MAP3K13: variants seen among roughly 807,000 people sequenced by gnomAD.
MAP3K13 encodes the protein leucine zipper-bearing kinase.
Under a neutral mutation model 104.0 loss-of-function variants are expected in MAP3K13, and 52 were observed. The observed-to-expected ratio is 0.50, with a 90% CI of 0.40 to 0.63. The LOEUF is 0.63. Among genes scored for constraint, MAP3K13 ranks in the 20% least tolerant of loss-of-function variants. MAP3K13 has a pLI of 0.00. For synonymous variants in MAP3K13, 394 were observed against 442.2 expected (o/e 0.89, Z 1.37); for missense variants, 914 against 1,218.5 (o/e 0.75, Z 3.72).
At chr3:185,294,952 G>A (rs1720865745) in intron 2 of MAP3K13, among the ~76,000 whole-genome samples, 1 of 151,978 alleles carries the variant, frequency 6.6e-6, no homozygotes, top group South Asian at 2.1e-4. Context: ...CTACATTTTT[G>A]CAATAACTCT....
At chr3:185,480,603 T>C in intron 13 of MAP3K13, 74 bp downstream of exon 13, 3 of 1,458,936 alleles carry the variant, frequency 2.1e-6, no homozygotes, top group Non-Finnish European at 2.8e-6. Context: ...CTAGGGCCTT[T>C]ACAATTTTCA....
At chr3:185,382,935 T>C (rs1333301067) in intron 1 of MAP3K13, among the ~76,000 whole-genome samples, 1 of 152,032 alleles carries the variant, frequency 6.6e-6, no homozygotes, top group Non-Finnish European at 1.5e-5. Context: ...TGTGTATACA[T>C]GTGCCATGCT....
rs1718689476 is a variant in MAP3K13, at chr3:185,485,804, C to T, written c.*3348C>T. ...CACTGGGGGTCTTGGAATGTATCCCCCAGAAATAAGGGAGGACTACCGTAT... is the reference window on the plus strand; with the variant it reads ...CACTGGGGGTCTTGGAATGTATCCCTCAGAAATAAGGGAGGACTACCGTAT... On this transcript the variant is annotated 3_prime_UTR_variant, in exon 14 of 14. Transcript: ENST00000265026. 1.3e-5 allele frequency: 2 copies of T among 151,950 alleles called. No individual in the cohort carries two copies. The highest frequency in any genetic ancestry group is 4.2e-4 in the South Asian group (2 of 4,802). The allele number at this position is 151,950 out of a possible 1,614,324, so 9.4% of individuals were successfully genotyped here. A position where few individuals can be genotyped will look rare whatever the true frequency, so the allele number is the denominator to read the frequency against.
intron 4 of MAP3K13, among the ~76,000 whole-genome samples, chr3:185,447,494 C>CAAAAAAAAAAA (rs1178155454): frequency 3.5e-5 from 1 of 28,396 alleles, no homozygotes; most frequent in Non-Finnish European, 6.5e-5. Context: ...AACTCTGTCT[C>CAAAAAAAAAAA]AAAAAAAAAA....
At chr3:185,398,328 C>T (rs1712547531) in intron 1 of MAP3K13, among the ~76,000 whole-genome samples, 1 of 152,106 alleles carries the variant, frequency 6.6e-6, no homozygotes, top group Non-Finnish European at 1.5e-5. Context: ...GAAAGAAAGA[C>T]AGTCCTCCAC....
chr3:185,451,722 C>A (rs965834482), intron 7 of MAP3K13, among the ~76,000 whole-genome samples: 5 of 151,848 alleles, frequency 3.3e-5, no homozygotes, highest in Admixed American at 2.0e-4. Flanking sequence ...ACAAAATTAG[C>A]CAGGTATGGT....
At chr3:185,324,569 C>T (rs1202639595) in intron 2 of MAP3K13, among the ~76,000 whole-genome samples, 1 of 152,148 alleles carries the variant, frequency 6.6e-6, no homozygotes, top group East Asian at 1.9e-4. Flanking sequence ...CTATGACCAG[C>T]CTGGTTTCTT....
chr3:185,405,488 C>T (rs1035382289), intron 1 of MAP3K13, among the ~76,000 whole-genome samples: 36 of 152,352 alleles, frequency 2.4e-4, no homozygotes, highest in African/African-American at 8.4e-4. Flanking sequence ...TGTTCCAGCT[C>T]TTCCAGACTG....
At chr3:185,288,476 G>T (rs1434895602) in intron 2 of MAP3K13, among the ~76,000 whole-genome samples, 1 of 148,174 alleles carries the variant, frequency 6.7e-6, no homozygotes, top group Admixed American at 6.8e-5. Flanking sequence ...ATATATTCCA[G>T]AAATATATGT....
intron 7 of MAP3K13, among the ~76,000 whole-genome samples, chr3:185,455,851 T>TGATATATATATGAGATATAG (rs1716686775): frequency 1.1e-5 from 1 of 93,434 alleles, no homozygotes; most frequent in African/African-American, 3.7e-5. Context: ...ATGAGATATA[T>TGATATATATATGAGATATAG]ATGAGATATA....
At chr3:185,397,269 G>T (rs1205728507) in intron 1 of MAP3K13, among the ~76,000 whole-genome samples, 1 of 152,164 alleles carries the variant, frequency 6.6e-6, no homozygotes, top group Non-Finnish European at 1.5e-5. Context: ...TTCACAGAAT[G>T]TTTTTTCTAA....
rs947260109 is a variant in MAP3K13, at chr3:185,292,782, A to G, written c.-86+7139A>G. On this transcript the variant is annotated intron_variant, in intron 2 of 14. Coordinates refer to the MAP3K13 transcript ENST00000424227. Reference sequence around the variant, plus strand: ...CTCTGAGTTGAGTCCCTAAAATACTATCATGGGCTAATTCTAAGAAGGAGC... The same window carrying G: ...CTCTGAGTTGAGTCCCTAAAATACTGTCATGGGCTAATTCTAAGAAGGAGC... The G allele has an allele frequency of 4.1e-6, 4 of 985,292 alleles. No individual in the cohort carries two copies. The Admixed American group carries it at 2.5e-4, about 61-fold the overall frequency. 61.0% of individuals were successfully genotyped at this position (985,292 alleles called of 1,614,324 possible).
At chr3:185,303,581 T>C (rs950572687) in intron 2 of MAP3K13, among the ~76,000 whole-genome samples, 2 of 152,106 alleles carry the variant, frequency 1.3e-5, no homozygotes, top group African/African-American at 4.8e-5. Context: ...CTATCATTTT[T>C]TCTATGTTAT....
intron 1 of MAP3K13, among the ~76,000 whole-genome samples, chr3:185,374,141 T>C (rs1164280579): frequency 1.5e-5 from 1 of 65,662 alleles, no homozygotes; most frequent in African/African-American, 3.1e-5. Flanking sequence ...CTATTTTCAC[T>C]CCTTTTTGTG....
At chr3:185,383,787 G>A (rs1049038021) in intron 1 of MAP3K13, among the ~76,000 whole-genome samples, 4 of 152,002 alleles carry the variant, frequency 2.6e-5, no homozygotes, top group Non-Finnish European at 5.9e-5. Context: ...GCAACACAAA[G>A]AGACTAAGAC....
intron 2 of MAP3K13, among the ~76,000 whole-genome samples, chr3:185,334,091 C>T (rs1722383538): frequency 6.6e-6 from 1 of 151,888 alleles, no homozygotes; most frequent in Non-Finnish European, 1.5e-5. Context: ...ATACCTAACA[C>T]ACAGGAATAA....
chr3:185,434,749 T>G (rs769893209), intron 2 of MAP3K13, among the ~76,000 whole-genome samples: 20 of 152,188 alleles, frequency 1.3e-4, no homozygotes, highest in Admixed American at 1.3e-4. Flanking sequence ...TTTTCTGATC[T>G]TTCTCTAATG....
chr3:185,420,902 A>G (rs533644219), intron 1 of MAP3K13, among the ~76,000 whole-genome samples: 3 of 152,288 alleles, frequency 2.0e-5, no homozygotes, highest in Admixed American at 2.0e-4. Context: ...AAACCAAGGT[A>G]ATTTCCAGAA....
intron 7 of MAP3K13, among the ~76,000 whole-genome samples, chr3:185,454,304 T>TATATATGAGATATATATGAGATATATATG: frequency 1.1e-5 from 1 of 91,936 alleles, no homozygotes. Context: ...ATATATATCA[T>TATATATGAGATATATATGAGATATATATG]ATATATATGA....
Sources: allele counts gnomAD v4.1 joint callset (sites outside exome capture counted in the v4.1 genomes callset), GRCh38; gene constraint gnomAD v4.1.1; transcripts MANE v1.5; gene names NCBI Gene and HGNC (gene_info 2026-07-23, HGNC 2026-07-21).